GRIA1: variants seen among roughly 807,000 people sequenced by gnomAD.
GRIA1 encodes the protein glutamate receptor 1.
A neutral mutation model predicts 99.2 loss-of-function variants in GRIA1; 31 were observed. The ratio of observed to expected loss-of-function variants is 0.31; its 90% confidence interval spans 0.23 to 0.42. The LOEUF is 0.42. Among genes scored for constraint, GRIA1 ranks in the 10% least tolerant of loss-of-function variants. The pLI, the probability that GRIA1 is intolerant of heterozygous loss-of-function variation, is 1.00. For synonymous variants in GRIA1, 438 were observed against 432.4 expected (o/e 1.01, Z -0.16); for missense variants, 782 against 1,157.5 (o/e 0.68, Z 4.71).
intron 5 of GRIA1, among the ~76,000 whole-genome samples, chr5:153,672,108 G>A (rs903249055): frequency 2.0e-5 from 3 of 152,186 alleles, no homozygotes; most frequent in Admixed American, 6.5e-5. Context: ...TAAACAAGAT[G>A]CCTACACTGC....
intron 2 of GRIA1, among the ~76,000 whole-genome samples, chr5:153,539,445 G>A (rs1367535822): frequency 6.6e-6 from 1 of 152,198 alleles, no homozygotes; most frequent in Non-Finnish European, 1.5e-5. Flanking sequence ...TAAAATGAAT[G>A]TGCATACGCA....
chr5:153,629,623 T>G (rs773617867), intron 2 of GRIA1, among the ~76,000 whole-genome samples: 35 of 152,242 alleles, frequency 2.3e-4, no homozygotes, highest in Non-Finnish European at 4.3e-4. Context: ...TGGGAACACA[T>G]GCACACACGC....
chr5:153,706,972 G>A (rs1170266483), intron 11 of GRIA1, among the ~76,000 whole-genome samples: 1 of 152,196 alleles, frequency 6.6e-6, no homozygotes, highest in African/African-American at 2.4e-5. Context: ...TAATAAATTA[G>A]CTGGATGTGG....
intron 11 of GRIA1, among the ~76,000 whole-genome samples, chr5:153,729,453 G>T (rs1371380338): frequency 1.3e-5 from 2 of 151,896 alleles, no homozygotes; most frequent in South Asian, 2.1e-4. Context: ...GTTAAGTAGT[G>T]CATTTTTTAA....
At chr5:153,534,509 A>G (rs1758380937) in intron 2 of GRIA1, among the ~76,000 whole-genome samples, 1 of 152,228 alleles carries the variant, frequency 6.6e-6, no homozygotes, top group African/African-American at 2.4e-5. Flanking sequence ...TTGCATGTAC[A>G]GTTTCATTTC....
chr5:153,578,876 C>A lies in GRIA1; in HGVS notation c.221-68052C>A, dbSNP rs1286232269. 3.3e-5 allele frequency among the ~76,000 whole-genome samples: 5 copies of A among 152,178 alleles called. No individual in the cohort carries two copies. In the East Asian group the frequency reaches 9.6e-4, roughly 29 times the overall value. On this transcript the variant is annotated intron_variant, in intron 2 of 15. Transcript: ENST00000285900. ...TGAGCCGAGATAGCACCATTGCACT[C>A]CAGCCTGGGTGACAGAGGGAGACTC...
chr5:153,721,799 C>G (rs1760089098), intron 11 of GRIA1, among the ~76,000 whole-genome samples: 1 of 152,094 alleles, frequency 6.6e-6, no homozygotes, highest in African/African-American at 2.4e-5. Context: ...CAGTGTAAGG[C>G]CATTATAAAT....
At chr5:153,516,198 C>A (rs1019584302) in intron 2 of GRIA1, among the ~76,000 whole-genome samples, 1 of 152,062 alleles carries the variant, frequency 6.6e-6, no homozygotes, top group Non-Finnish European at 1.5e-5. Flanking sequence ...CCAGCCTGGG[C>A]AACCGAGTGA....
At chr5:153,600,753 C>T (rs1764880701) in intron 2 of GRIA1, among the ~76,000 whole-genome samples, 1 of 152,198 alleles carries the variant, frequency 6.6e-6, no homozygotes, top group Admixed American at 6.5e-5. Context: ...AAATTGATTT[C>T]AGAGTTTCCT....
chr5:153,727,191 C>T (rs1193263968), intron 11 of GRIA1, among the ~76,000 whole-genome samples: 1 of 152,196 alleles, frequency 6.6e-6, no homozygotes, highest in Admixed American at 6.5e-5. Flanking sequence ...CAACAACCTT[C>T]ATGCTAAAAA....
chr5:153,624,292 C>T (rs1198604631), intron 2 of GRIA1, among the ~76,000 whole-genome samples: 1 of 152,246 alleles, frequency 6.6e-6, no homozygotes, highest in Non-Finnish European at 1.5e-5. Flanking sequence ...TTCTCTCTAA[C>T]CGTGACTCAG....
At chr5:153,533,538 C>T (rs1311652039) in intron 2 of GRIA1, among the ~76,000 whole-genome samples, 1 of 152,176 alleles carries the variant, frequency 6.6e-6, no homozygotes, top group East Asian at 1.9e-4. Context: ...CTTTAAACCC[C>T]TTCACCTCTT....
At chr5:153,607,299 T>C (rs894110692) in intron 2 of GRIA1, among the ~76,000 whole-genome samples, 13 of 151,956 alleles carry the variant, frequency 8.6e-5, no homozygotes, top group African/African-American at 3.1e-4. Flanking sequence ...GGGTTGGTTT[T>C]GACTTTGTTT....
chr5:153,744,437 G>T (rs535512446), intron 11 of GRIA1, among the ~76,000 whole-genome samples: 16 of 152,154 alleles, frequency 1.1e-4, no homozygotes, highest in Non-Finnish European at 1.8e-4. Context: ...CCAAAAATGG[G>T]TGCTCCTCAA....
At chr5:153,547,029 T>G (rs903196436) in intron 2 of GRIA1, among the ~76,000 whole-genome samples, 6 of 152,340 alleles carry the variant, frequency 3.9e-5, no homozygotes, top group Middle Eastern at 3.4e-3. Flanking sequence ...TGGAATTATT[T>G]TTTCTTTTTA....
chr5:153,552,240 A>G (rs888138851), intron 2 of GRIA1, among the ~76,000 whole-genome samples: 2 of 111,696 alleles, frequency 1.8e-5, no homozygotes, highest in African/African-American at 2.8e-5. Flanking sequence ...ATTTTCAGCA[A>G]AAAAAAAGAA....
chr5:153,639,607 A>G (rs2910261), intron 2 of GRIA1, among the ~76,000 whole-genome samples: 84,441 of 151,974 alleles, frequency 0.56, 24,152 homozygotes, highest in Middle Eastern at 0.6. Context: ...ACATCATCCC[A>G]TTTTATTTTC....
chr5:153,527,098 G>A lies in GRIA1; in HGVS notation c.220+33033G>A, dbSNP rs186209828. Among the ~76,000 whole-genome samples the A allele has an allele frequency of 5.9e-5, 9 of 152,244 alleles. No homozygotes were observed. The South Asian group carries it at 8.3e-4, about 14-fold the overall frequency. Reference sequence around the variant, plus strand: ...TGGAGGCTCTTCCAAATTTAATCCAGTGCCATATGCCTTCGTGATGCTGAT... The same window carrying A: ...TGGAGGCTCTTCCAAATTTAATCCAATGCCATATGCCTTCGTGATGCTGAT... On this transcript the variant is annotated intron_variant, in intron 2 of 15. Coordinates refer to ENST00000285900, the MANE Select transcript of GRIA1 (RefSeq NM_000827.4).
At chr5:153,625,053 T>C (rs1767460276) in intron 2 of GRIA1, among the ~76,000 whole-genome samples, 1 of 152,148 alleles carries the variant, frequency 6.6e-6, no homozygotes, top group Non-Finnish European at 1.5e-5. Context: ...TACAATTCAT[T>C]CATGTGCCGC....
Sources: gnomAD v4.1 joint callset for allele counts (sites outside exome capture counted in the v4.1 genomes callset) on GRCh38, gnomAD v4.1.1 for gene constraint, MANE v1.5 for transcripts, NCBI Gene and HGNC (gene_info 2026-07-23, HGNC 2026-07-21) for gene names.